DIAPH3: variants seen among roughly 807,000 people sequenced by gnomAD.
DIAPH3 encodes diaphanous related formin 3.
In DIAPH3, 117 loss-of-function variants were observed where a neutral mutation model predicts 144.3. The observed-to-expected ratio is 0.81, with a 90% confidence interval of 0.70 to 0.95. The LOEUF (loss-of-function observed/expected upper bound fraction) is 0.95, where lower values mean the gene tolerates loss of function less well. Ranked by LOEUF, DIAPH3 falls within the 40% of genes least tolerant of loss-of-function variation. The pLI is 0.00. For missense variants in DIAPH3, 1,421 were observed against 1,412.7 expected (o/e 1.01, Z -0.09); for synonymous variants, 519 against 488.9 (o/e 1.06, Z -0.81).
At chr13:59,887,205 C>T (rs1404716940) in intron 20 of DIAPH3, among the ~76,000 whole-genome samples, 3 of 151,990 alleles carry the variant, frequency 2.0e-5, no homozygotes, top group Non-Finnish European at 4.4e-5. Flanking sequence ...ATATGGCTAA[C>T]TAATTAATTT....
chr13:60,151,636 C>T (rs1207665068), intron 1 of DIAPH3, among the ~76,000 whole-genome samples: 51 of 152,126 alleles, frequency 3.4e-4, no homozygotes, highest in Admixed American at 3.3e-3. Context: ...CATTCAGATT[C>T]CTACTGTAAG....
intron 27 of DIAPH3, among the ~76,000 whole-genome samples, chr13:59,728,302 A>G (rs2035706676): frequency 6.6e-6 from 1 of 152,048 alleles, no homozygotes; most frequent in Non-Finnish European, 1.5e-5. Flanking sequence ...GAAAACTTCT[A>G]TAGATAATTT....
intron 25 of DIAPH3, among the ~76,000 whole-genome samples, chr13:59,786,404 C>T (rs891017755): frequency 1.3e-5 from 2 of 152,080 alleles, no homozygotes; most frequent in African/African-American, 4.8e-5. Context: ...TATACACAAC[C>T]AGGAAAAATG....
chr13:59,885,369 T>C (rs1438934070), intron 20 of DIAPH3, among the ~76,000 whole-genome samples: 1 of 149,600 alleles, frequency 6.7e-6, no homozygotes, highest in Non-Finnish European at 1.5e-5. Flanking sequence ...TCAATCACTA[T>C]AGCTTAGTTT....
chr13:60,130,980 G>A (rs2059123529), intron 2 of DIAPH3, among the ~76,000 whole-genome samples: 1 of 152,036 alleles, frequency 6.6e-6, no homozygotes, highest in South Asian at 2.1e-4. Flanking sequence ...TATGACTCTA[G>A]TTTCTAAAAC....
At chr13:59,701,407 C>T (rs900847418) in intron 27 of DIAPH3, among the ~76,000 whole-genome samples, 1 of 152,192 alleles carries the variant, frequency 6.6e-6, no homozygotes, top group Non-Finnish European at 1.5e-5. Context: ...GAGGTGGGAA[C>T]AGTGATCACA....
chr13:59,915,167 C>T (rs2047167944), intron 19 of DIAPH3, among the ~76,000 whole-genome samples: 2 of 151,832 alleles, frequency 1.3e-5, no homozygotes, highest in Admixed American at 1.3e-4. Flanking sequence ...AGAAGGCACA[C>T]ATATAATCAA....
intron 27 of DIAPH3, among the ~76,000 whole-genome samples, chr13:59,671,883 T>G (rs2032390766): frequency 6.6e-6 from 1 of 152,128 alleles, no homozygotes; most frequent in South Asian, 2.1e-4. Flanking sequence ...AAAATGAGAA[T>G]AAAGGCCTTA....
At chr13:60,067,954 A>T (rs1056322898) in intron 4 of DIAPH3, among the ~76,000 whole-genome samples, 2 of 152,126 alleles carry the variant, frequency 1.3e-5, no homozygotes, top group African/African-American at 4.8e-5. Context: ...GAATAATTCC[A>T]TTATTTCTTA....
At chr13:60,066,122 C>T (rs1025135166) in intron 4 of DIAPH3, among the ~76,000 whole-genome samples, 3 of 151,830 alleles carry the variant, frequency 2.0e-5, no homozygotes, top group African/African-American at 2.4e-5. Flanking sequence ...AAGCAATAAG[C>T]CATTCATTAA....
At chr13:59,813,153 AAAG>A (rs2040578899) in intron 24 of DIAPH3, among the ~76,000 whole-genome samples, 1 of 152,026 alleles carries the variant, frequency 6.6e-6, no homozygotes, top group Non-Finnish European at 1.5e-5. Flanking sequence ...AAAAAAAAAA[AAAG>A]TTTAATCTGG....
chr13:59,796,787 A>C (rs749084443), intron 25 of DIAPH3, among the ~76,000 whole-genome samples: 2 of 152,234 alleles, frequency 1.3e-5, no homozygotes, highest in Admixed American at 6.5e-5. Flanking sequence ...TTACTGTGTA[A>C]TAAAAAGTAT....
intron 27 of DIAPH3, among the ~76,000 whole-genome samples, chr13:59,762,466 G>C (rs900288686): frequency 7.5e-5 from 11 of 146,804 alleles, no homozygotes; most frequent in Non-Finnish European, 1.2e-4. Flanking sequence ...GTGTGAAAAA[G>C]AGGCAGAGAT....
At chr13:60,109,208 G>A in intron 3 of DIAPH3, among the ~76,000 whole-genome samples, 1 of 152,040 alleles carries the variant, frequency 6.6e-6, no homozygotes, top group South Asian at 2.1e-4. Flanking sequence ...TGAAGTGTGT[G>A]TCACAGAGAC....
intron 27 of DIAPH3, among the ~76,000 whole-genome samples, chr13:59,725,290 T>G (rs916613790): frequency 6.6e-6 from 1 of 152,234 alleles, no homozygotes; most frequent in Non-Finnish European, 1.5e-5. Flanking sequence ...AAAATTTAGC[T>G]GCTAGTTTCT....
intron 20 of DIAPH3, among the ~76,000 whole-genome samples, chr13:59,906,095 G>A (rs1464770100): frequency 6.6e-6 from 1 of 152,132 alleles, no homozygotes; most frequent in Non-Finnish European, 1.5e-5. Flanking sequence ...CCCAGACAAT[G>A]TGCAATACTA....
intron 20 of DIAPH3, among the ~76,000 whole-genome samples, chr13:59,899,852 T>A (rs2046335097): frequency 6.7e-6 from 1 of 149,728 alleles, no homozygotes; most frequent in African/African-American, 2.4e-5. Flanking sequence ...TCAATATAAG[T>A]CACAGTTGAA....
At chr13:59,931,034 C>T (rs1242418003) in intron 17 of DIAPH3, among the ~76,000 whole-genome samples, 3 of 152,166 alleles carry the variant, frequency 2.0e-5, no homozygotes, top group Non-Finnish European at 2.9e-5. Context: ...ACTTAACATG[C>T]CCAAAAGCAA....
At chr13:60,141,613 T>C (rs1285771948) in intron 1 of DIAPH3, among the ~76,000 whole-genome samples, 1 of 152,228 alleles carries the variant, frequency 6.6e-6, no homozygotes, top group Non-Finnish European at 1.5e-5. Context: ...TTTGTTCTTC[T>C]AACAGAATGA....
Sources: allele counts gnomAD v4.1 joint callset (sites outside exome capture counted in the v4.1 genomes callset), GRCh38; gene constraint gnomAD v4.1.1; transcripts MANE v1.5; gene names NCBI Gene and HGNC (gene_info 2026-07-23, HGNC 2026-07-21).